The following SERF2 variants were observed in gnomAD, a reference collection of about 807,000 sequenced individuals.
The protein encoded by SERF2 is gastric cancer-related protein VRG107.
Under a neutral mutation model 10.7 loss-of-function variants are expected in SERF2, and 4 were observed. That is an observed-to-expected ratio of 0.37 (90% confidence interval 0.18 to 0.86). The LOEUF is 0.86. Among genes scored for constraint, SERF2 ranks in the 40% least tolerant of loss-of-function variants. The probability of loss-of-function intolerance (pLI) is 0.43; values close to 1 mark genes in which losing one functional copy is unlikely to be tolerated. For missense variants in SERF2, 47 were observed against 79.1 expected, an observed-to-expected ratio of 0.59 and a Z score of 1.54; for synonymous variants, 26 against 26.0, an observed-to-expected ratio of 1.00 and a Z score of 0.01.
intron 1 of SERF2, among the ~76,000 whole-genome samples, chr15:43,783,432 G>A (rs2086980335): frequency 6.6e-6 from 1 of 152,048 alleles, no homozygotes; most frequent in African/African-American, 2.4e-5. Context: ...TGAGTAGCTG[G>A]GACTACAGGC....
chr15:43,784,118 G>T (rs554068675), intron 1 of SERF2, among the ~76,000 whole-genome samples: 286 of 151,388 alleles, frequency 1.9e-3, no homozygotes, highest in African/African-American at 6.7e-3. Context: ...TGTAGAGATG[G>T]GTCTCCCTAC....
At chr15:43,792,552 G>A in intron 1 of SERF2, 169 bp downstream of exon 1, 1 of 1,493,466 alleles carries the variant, frequency 6.7e-7, no homozygotes, top group Non-Finnish European at 8.9e-7. Context: ...CTTTGCCCAC[G>A]GCTACTTCAC....
exon 1 of SERF2, chr15:43,777,257 C>T: frequency 6.6e-6 from 3 of 457,740 alleles, no homozygotes; most frequent in South Asian, 3.2e-5. Context: ...CCCCAGCGAC[C>T]CTGAATTTGG....
chr15:43,782,542 C>A (rs2141668462), intron 1 of SERF2, among the ~76,000 whole-genome samples: 1 of 152,210 alleles, frequency 6.6e-6, no homozygotes, highest in Non-Finnish European at 1.5e-5. Flanking sequence ...TATCAGTTTC[C>A]ATTTTTTCTT....
rs1459788614 is a variant in SERF2, at chr15:43,795,123, G to A, written c.*1350G>A. 6.2e-7 allele frequency: 1 copy of A among 1,613,976 alleles called. No homozygotes were observed. Among genetic ancestry groups the A allele is most frequent in the African/African-American group, 1.3e-5 (1 of 74,910 alleles). ...GTGCCAGTAACAGCCCCAGATAGAG[G>A]AGTACGCAGGCCCAGCATGAGGCAA... On this transcript the variant is annotated 3_prime_UTR_variant, in exon 3 of 3. Transcript: ENST00000249786.
upstream of SERF2, among the ~76,000 whole-genome samples, chr15:43,788,095 G>C (rs983708918): frequency 6.6e-6 from 1 of 151,994 alleles, no homozygotes; most frequent in Non-Finnish European, 1.5e-5. Context: ...GACTGGTCTT[G>C]AACTCCTGAC....
intron 1 of SERF2, among the ~76,000 whole-genome samples, chr15:43,783,793 C>G (rs1273486015): frequency 6.6e-6 from 1 of 151,088 alleles, no homozygotes; most frequent in Non-Finnish European, 1.5e-5. Context: ...ATGGAATCTT[C>G]CTCTGTCGTC....
At chr15:43,788,878 G>A (rs1385424620), upstream of SERF2, among the ~76,000 whole-genome samples, 3 of 152,076 alleles carry the variant, frequency 2.0e-5, no homozygotes, top group African/African-American at 4.8e-5. Flanking sequence ...GGCCGGGCGC[G>A]GTGGCTCACG....
chr15:43,789,664 A>G (rs1383794632), upstream of SERF2, among the ~76,000 whole-genome samples: 1 of 152,114 alleles, frequency 6.6e-6, no homozygotes, highest in Non-Finnish European at 1.5e-5. Flanking sequence ...TTTGAATATC[A>G]TCCTTGCGTG....
upstream of SERF2, among the ~76,000 whole-genome samples, chr15:43,790,683 A>G (rs1245274619): frequency 6.6e-6 from 1 of 151,794 alleles, no homozygotes; most frequent in Admixed American, 6.6e-5. Context: ...GTGGGAGAAT[A>G]GCTTGAACAC....
At chr15:43,792,565 G>A in intron 1 of SERF2, 182 bp downstream of exon 1, 3 of 1,478,154 alleles carry the variant, frequency 2.0e-6, no homozygotes, top group Non-Finnish European at 2.7e-6. Flanking sequence ...TACTTCACGG[G>A]ACCACCCTCC....
At chr15:43,781,474 C>A (rs1171567614) in intron 1 of SERF2, among the ~76,000 whole-genome samples, 5 of 151,968 alleles carry the variant, frequency 3.3e-5, no homozygotes, top group African/African-American at 1.2e-4. Context: ...ATCACTTCAA[C>A]CCAGGAGGCA....
At chr15:43,778,045 G>GC (rs1176958928) in intron 1 of SERF2, 2 of 149,046 alleles carry the variant, frequency 1.3e-5, no homozygotes, top group Admixed American at 1.4e-4. Flanking sequence ...CTCACTGCAA[G>GC]CCCCGCCTCC....
In SERF2 at chr15:43,793,049, G is replaced by A; in HGVS notation, c.82G>A (p.Asp28Asn). The change falls in exon 2 of 3, where the codon GAT (aspartate) becomes AAT (asparagine). Residue 28 changes from aspartate to asparagine, a missense_variant. Asp to Asn is a conservative substitution (Grantham distance 23). Coordinates refer to ENST00000249786, the MANE Select transcript of SERF2 (RefSeq NM_001018108.4). ...QSDSVKGKRR[D>N]DGLSAAARKQ... ...CGACTCGGTTAAGGGAAAGCGCCGA[G>A]ATGACGGGCTTTCTGCTGCCGCCCG... is the stretch of plus-strand genomic sequence containing the variant. 6.2e-7 allele frequency: 1 copy of A among 1,613,076 alleles called. No individual in the cohort carries two copies. The highest frequency in any genetic ancestry group is 8.5e-7 in the Non-Finnish European group (1 of 1,179,186).
intron 1 of SERF2, 135 bp from the exon 2 acceptor site, chr15:43,792,840 G>A: frequency 1.4e-6 from 1 of 722,068 alleles, no homozygotes. Flanking sequence ...AGCAGCCTGG[G>A]CCTCGATGGG....
Position 43,793,072 on chromosome 15 carries a change from C to A in SERF2, c.105C>A (p.Ala35=). Residue 35 remains alanine (A), a synonymous_variant, in exon 2 of 3, where the codon GCC becomes GCA. Transcript: ENST00000249786. ...GAGATGACGGGCTTTCTGCTGCCGC[C>A]CGCAAGCAGAGGTAGCCCCAGGGAG... ...KRRDDGLSAA[A]RKQRDSEIMQ... 1 of 1,609,014 alleles carries A rather than the reference C, an allele frequency of 6.2e-7. No individual in the cohort carries two copies.
upstream of SERF2, chr15:43,792,208 G>A (rs754483368): frequency 1.5e-6 from 1 of 660,700 alleles, no homozygotes; most frequent in East Asian, 2.8e-5. Flanking sequence ...GCTCAAGCAC[G>A]ACCCGTGGAT....
At chr15:43,787,081 C>A (rs1042290939) in intron 2 of SERF2, among the ~76,000 whole-genome samples, 1 of 151,228 alleles carries the variant, frequency 6.6e-6, no homozygotes, top group East Asian at 1.9e-4. Flanking sequence ...CTTACTGCAA[C>A]CTCCGCCTCC....
chr15:43,786,267 T>G (rs969328159), intron 2 of SERF2, among the ~76,000 whole-genome samples: 1 of 151,354 alleles, frequency 6.6e-6, no homozygotes, highest in Non-Finnish European at 1.5e-5. Flanking sequence ...TACAAAAAAT[T>G]AGCCAGGTGT....
Sources: gnomAD v4.1 joint callset for allele counts (sites outside exome capture counted in the v4.1 genomes callset) on GRCh38, gnomAD v4.1.1 for gene constraint, MANE v1.5 for transcripts, NCBI Gene and HGNC (gene_info 2026-07-23, HGNC 2026-07-21) for gene names.